The following KIAA1958 variants were observed in gnomAD, a reference collection of about 807,000 sequenced individuals.
The protein encoded by KIAA1958 is KIAA1958, also known as uncharacterized protein KIAA1958.
In KIAA1958, 14 loss-of-function variants were observed where a neutral mutation model predicts 47.2. The ratio of observed to expected loss-of-function variants is 0.30; its 90% CI spans 0.20 to 0.46. The LOEUF is 0.46. KIAA1958 is among the 20% of genes least tolerant of loss of function. KIAA1958 has a pLI of 1.00. For missense variants in KIAA1958, 803 were observed against 909.2 expected, an observed-to-expected ratio of 0.88 and a Z score of 1.50; for synonymous variants, 354 against 353.3, an observed-to-expected ratio of 1.00 and a Z score of -0.02.
rs1359312911 is a variant in KIAA1958, at chr9:112,487,038, C to G, written c.-105C>G. ...GCCCTCGCGCCCCTTCGGCCCGTCC[C>G]GTCCAGCCCGGGCTGCCCGGCTCTC... On this transcript the variant is annotated 5_prime_UTR_variant, in exon 1 of 4. Coordinates refer to ENST00000337530, the MANE Select transcript of KIAA1958 (RefSeq NM_133465.4). 1 of 209,258 alleles carries G rather than the reference C, an allele frequency of 4.8e-6. No individual in the cohort carries two copies. The highest frequency in any genetic ancestry group is 9.6e-6 in the Non-Finnish European group (1 of 103,720). 13.0% of individuals were successfully genotyped at this position (209,258 alleles called of 1,614,324 possible). A position where few individuals can be genotyped will look rare whatever the true frequency, so the allele number is the denominator to read the frequency against.
At chr9:112,600,023 A>G (rs1465741316) in intron 2 of KIAA1958, among the ~76,000 whole-genome samples, 1 of 152,232 alleles carries the variant, frequency 6.6e-6, no homozygotes, top group Non-Finnish European at 1.5e-5. Context: ...AAGCCGGCAA[A>G]TGCAGCTACA....
intron 2 of KIAA1958, among the ~76,000 whole-genome samples, chr9:112,634,354 G>A (rs796234985): frequency 1.3e-4 from 20 of 151,980 alleles, no homozygotes; most frequent in African/African-American, 2.7e-4. Flanking sequence ...TCAGCCTCCC[G>A]AGTAGCTGGG....
chr9:112,652,829 C>G (rs573042673), intron 3 of KIAA1958, among the ~76,000 whole-genome samples: 23 of 152,074 alleles, frequency 1.5e-4, no homozygotes, highest in Non-Finnish European at 2.8e-4. Context: ...ACCATGTTGC[C>G]CGGGCTGGTC....
At chr9:112,516,167 A>G (rs1834430101) in intron 1 of KIAA1958, among the ~76,000 whole-genome samples, 1 of 152,116 alleles carries the variant, frequency 6.6e-6, no homozygotes, top group Non-Finnish European at 1.5e-5. Context: ...GCAGGATGAA[A>G]TTCAATTCAT....
In KIAA1958 at chr9:112,664,503, T is replaced by A. The variant is rs771980466; in HGVS notation, c.*4434T>A. 5 of 152,204 alleles carry A rather than the reference T, an allele frequency of 3.3e-5. No individual in the cohort carries two copies. Among genetic ancestry groups the A allele is most frequent in the Non-Finnish European group, 7.3e-5 (5 of 68,036 alleles). The allele number at this position is 152,204 out of a possible 1,614,324, so 9.4% of individuals were successfully genotyped here. A position where few individuals can be genotyped will look rare whatever the true frequency, so the allele number is the denominator to read the frequency against. ...GAGTTACCTCATTTTCTCTACATGA[T>A]CTCCAATGTAGTCTCAGATAAGGCC... On this transcript the variant is annotated 3_prime_UTR_variant, in exon 4 of 4. Transcript: ENST00000337530.
At chr9:112,609,005 A>C (rs1430372209) in intron 2 of KIAA1958, among the ~76,000 whole-genome samples, 1 of 152,264 alleles carries the variant, frequency 6.6e-6, no homozygotes, top group African/African-American at 2.4e-5. Flanking sequence ...ATACTGAAAT[A>C]GTCTCTTTTC....
chr9:112,639,065 T>A (rs771211443), intron 2 of KIAA1958, among the ~76,000 whole-genome samples: 29 of 152,212 alleles, frequency 1.9e-4, no homozygotes, highest in Non-Finnish European at 4.1e-4. Context: ...CTGTGATTTT[T>A]CTACAAATAA....
rs1836714045 is a variant in KIAA1958 at position 112,631,732 on chromosome 9, C to G, written c.1172-13918C>G. ...TTAACTTTTGATGTTTGATTTTGGA[C>G]TGCTTCCTTACAAAAATATACTTCA... is the stretch of plus-strand genomic sequence containing the variant. On this transcript the variant is annotated intron_variant, in intron 2 of 3. Coordinates refer to ENST00000337530, the MANE Select transcript of KIAA1958 (RefSeq NM_133465.4). Among the ~76,000 whole-genome samples, 9 of 152,234 alleles carry G rather than the reference C, an allele frequency of 5.9e-5. 1 individual carries two copies. In the South Asian group the frequency reaches 1.9e-3, roughly 32 times the overall value.
At chr9:112,575,748 A>G (rs941221182) in intron 2 of KIAA1958, among the ~76,000 whole-genome samples, 3 of 152,200 alleles carry the variant, frequency 2.0e-5, no homozygotes, top group African/African-American at 7.2e-5. Flanking sequence ...TTAAAAAGCA[A>G]TGTACATTTC....
chr9:112,524,010 C>T (rs946758661), intron 1 of KIAA1958, among the ~76,000 whole-genome samples: 61 of 152,288 alleles, frequency 4.0e-4, no homozygotes, highest in African/African-American at 1.4e-3. Flanking sequence ...TGCATGCACC[C>T]CTCATCCCAT....
intron 1 of KIAA1958, among the ~76,000 whole-genome samples, chr9:112,528,271 C>T (rs982894310): frequency 2.0e-5 from 3 of 152,148 alleles, no homozygotes; most frequent in African/African-American, 7.2e-5. Flanking sequence ...TATGCTTTGC[C>T]CTGCACTTAG....
intron 2 of KIAA1958, among the ~76,000 whole-genome samples, chr9:112,631,534 GAA>G (rs57805823): frequency 0.59 from 57,918 of 98,106 alleles, 13,976 homozygotes; most frequent in East Asian, 0.7. Flanking sequence ...CTCTCTCAAA[GAA>G]AAAAAAAAAA....
At chr9:112,567,176 A>T (rs1835440151) in intron 1 of KIAA1958, among the ~76,000 whole-genome samples, 1 of 152,206 alleles carries the variant, frequency 6.6e-6, no homozygotes, top group African/African-American at 2.4e-5. Context: ...TTAGTAATTG[A>T]GTTCAGCTAT....
chr9:112,600,150 A>G (rs967393061), intron 2 of KIAA1958, among the ~76,000 whole-genome samples: 5 of 152,238 alleles, frequency 3.3e-5, no homozygotes, highest in Non-Finnish European at 7.3e-5. Flanking sequence ...GCTGTAGCAC[A>G]GAATGCTTAA....
Position 112,618,427 on chromosome 9 carries a change from G to C in KIAA1958, c.1172-27223G>C. ...GTGATATCCGGCTCCGGGTAACAGAGACGGGTCTCGAGTACTTGGAGTGGA... is the reference window on the plus strand; with the variant it reads ...GTGATATCCGGCTCCGGGTAACAGACACGGGTCTCGAGTACTTGGAGTGGA... On this transcript the variant is annotated intron_variant, in intron 2 of 3. Transcript: ENST00000337530. This position sits in a 1 kb window ranked among gnomAD's most constrained non-coding sequence, Gnocchi z 7.1. 1 of 1,551,240 alleles carries C rather than the reference G, an allele frequency of 6.4e-7. No homozygotes were observed. The highest frequency in any genetic ancestry group is 8.7e-7 in the Non-Finnish European group (1 of 1,147,140).
At chr9:112,637,588 G>A (rs1319610356) in intron 2 of KIAA1958, among the ~76,000 whole-genome samples, 1 of 151,880 alleles carries the variant, frequency 6.6e-6, no homozygotes, top group African/African-American at 2.4e-5. Context: ...ATGTTGGCCA[G>A]GCTGGTCTCG....
intron 1 of KIAA1958, among the ~76,000 whole-genome samples, chr9:112,570,916 G>T (rs879705580): frequency 4.6e-5 from 7 of 152,206 alleles, no homozygotes; most frequent in Non-Finnish European, 1.0e-4. Context: ...AGGCTGAAAG[G>T]CCGGGACCTG....
At chr9:112,501,126 A>C (rs1443319901) in intron 1 of KIAA1958, among the ~76,000 whole-genome samples, 1 of 152,004 alleles carries the variant, frequency 6.6e-6, no homozygotes, top group African/African-American at 2.4e-5. Context: ...CCTTGTCTCC[A>C]AAACAAACAA....
At chr9:112,515,355 T>C (rs1834407202) in intron 1 of KIAA1958, among the ~76,000 whole-genome samples, 1 of 145,712 alleles carries the variant, frequency 6.9e-6, no homozygotes, top group Admixed American at 6.7e-5. Flanking sequence ...GGAGCCCCTC[T>C]GCCCGGCCAC....
Sources: gnomAD v4.1 joint callset for allele counts (sites outside exome capture counted in the v4.1 genomes callset) on GRCh38, gnomAD v4.1.1 for gene constraint, Gnocchi (gnomAD v3.1) non-coding constraint, MANE v1.5 for transcripts, NCBI Gene and HGNC (gene_info 2026-07-23, HGNC 2026-07-21) for gene names.